Variants in TAFA1 observed in about 807,000 individuals in gnomAD.
The protein encoded by TAFA1 is chemokine-like protein TAFA-1.
A neutral mutation model predicts 18.5 loss-of-function variants in TAFA1; 4 were observed. The observed-to-expected ratio is 0.22, with a 90% CI of 0.11 to 0.49. TAFA1 has a LOEUF of 0.49. Ranked by LOEUF, TAFA1 falls within the 20% of genes least tolerant of loss-of-function variation. The probability of loss-of-function intolerance (pLI) is 0.98; values close to 1 mark genes in which losing one functional copy is unlikely to be tolerated. For missense variants in TAFA1, 147 were observed against 169.0 expected (o/e 0.87, Z 0.72); for synonymous variants, 56 against 55.2 (o/e 1.01, Z -0.06).
intron 2 of TAFA1, among the ~76,000 whole-genome samples, chr3:68,255,350 A>T (rs774066069): frequency 6.6e-6 from 1 of 152,178 alleles, no homozygotes; most frequent in African/African-American, 2.4e-5. Context: ...ATCCATTTAC[A>T]TTTATTGGTT....
chr3:68,330,447 A>G (rs1009068443), intron 2 of TAFA1, among the ~76,000 whole-genome samples: 4 of 152,228 alleles, frequency 2.6e-5, no homozygotes, highest in Non-Finnish European at 5.9e-5. Flanking sequence ...CTGGAGAGCT[A>G]TACCAGGTCC....
chr3:68,347,059 C>T (rs1365473312), intron 2 of TAFA1, among the ~76,000 whole-genome samples: 1 of 152,140 alleles, frequency 6.6e-6, no homozygotes, highest in African/African-American at 2.4e-5. Context: ...ATCTTGCTTT[C>T]ATCTTATGTC....
intron 4 of TAFA1, among the ~76,000 whole-genome samples, chr3:68,542,626 T>G (rs2106797037): frequency 6.6e-6 from 1 of 152,204 alleles, no homozygotes; most frequent in South Asian, 2.1e-4. Flanking sequence ...TTGGCAAAGG[T>G]TATGAATGCA....
intron 3 of TAFA1, among the ~76,000 whole-genome samples, chr3:68,457,960 A>G (rs966694292): frequency 2.6e-5 from 4 of 152,272 alleles, no homozygotes; most frequent in Non-Finnish European, 4.4e-5. Flanking sequence ...AGTTTACCCT[A>G]TCACTCATGG....
At chr3:68,174,437 T>C (rs2066098329) in intron 2 of TAFA1, among the ~76,000 whole-genome samples, 1 of 151,902 alleles carries the variant, frequency 6.6e-6, no homozygotes, top group African/African-American at 2.4e-5. Context: ...TTGACAAAAA[T>C]GCTGATAGTG....
At chr3:68,219,504 C>T (rs1158225307) in intron 2 of TAFA1, among the ~76,000 whole-genome samples, 2 of 152,090 alleles carry the variant, frequency 1.3e-5, no homozygotes, top group African/African-American at 2.4e-5. Flanking sequence ...TTGGCCTCTA[C>T]ATCCAGGCCC....
chr3:68,108,731 T>C (rs1028453729), intron 2 of TAFA1, among the ~76,000 whole-genome samples: 2 of 152,100 alleles, frequency 1.3e-5, no homozygotes, highest in African/African-American at 4.8e-5. Context: ...CTAAATGAAA[T>C]GTTCAAAACA....
intron 3 of TAFA1, among the ~76,000 whole-genome samples, chr3:68,448,450 T>C (rs181217000): frequency 2.0e-5 from 3 of 152,326 alleles, no homozygotes; most frequent in East Asian, 3.9e-4. Context: ...TCAATGACTC[T>C]ATTAATACGA....
chr3:68,300,044 C>G (rs146527602), intron 2 of TAFA1, among the ~76,000 whole-genome samples: 1 of 152,228 alleles, frequency 6.6e-6, no homozygotes, highest in Non-Finnish European at 1.5e-5. Context: ...AGAGTCCCCA[C>G]GGGGGCACTG....
At chr3:68,470,984 G>T (rs1269750580) in intron 3 of TAFA1, among the ~76,000 whole-genome samples, 4 of 152,250 alleles carry the variant, frequency 2.6e-5, no homozygotes, top group Admixed American at 2.0e-4. Context: ...TGGATCCAGG[G>T]TTCCCCATCT....
chr3:68,396,814 C>T (rs930198810), intron 2 of TAFA1, among the ~76,000 whole-genome samples: 1 of 152,190 alleles, frequency 6.6e-6, no homozygotes, highest in Non-Finnish European at 1.5e-5. Context: ...CTGCTTTCAT[C>T]ACGTTATTTT....
At chr3:68,050,892 T>C (rs2064463334) in intron 2 of TAFA1, among the ~76,000 whole-genome samples, 2 of 152,172 alleles carry the variant, frequency 1.3e-5, no homozygotes, top group South Asian at 2.1e-4. Context: ...AAACAGGTGG[T>C]GGGCTGGATT....
chr3:68,009,024 C>G (rs992067469), intron 2 of TAFA1, among the ~76,000 whole-genome samples: 1 of 152,112 alleles, frequency 6.6e-6, no homozygotes, highest in Non-Finnish European at 1.5e-5. Context: ...ACTGATGTCC[C>G]CCCTTAATAG....
chr3:68,039,898 C>T (rs572791136), intron 2 of TAFA1, among the ~76,000 whole-genome samples: 3 of 152,230 alleles, frequency 2.0e-5, no homozygotes, highest in African/African-American at 4.8e-5. Flanking sequence ...GGTATTAACC[C>T]GCCAACTCCA....
intron 2 of TAFA1, among the ~76,000 whole-genome samples, chr3:68,375,136 A>C (rs916495697): frequency 6.6e-6 from 1 of 151,816 alleles, no homozygotes; most frequent in Non-Finnish European, 1.5e-5. Context: ...TCCCACCTGA[A>C]CTGTAATTCT....
At chr3:68,195,766 G>A (rs2066402984) in intron 2 of TAFA1, among the ~76,000 whole-genome samples, 1 of 151,570 alleles carries the variant, frequency 6.6e-6, no homozygotes, top group Non-Finnish European at 1.5e-5. Flanking sequence ...CTTTTCATTA[G>A]GGTTCTTATA....
intron 2 of TAFA1, among the ~76,000 whole-genome samples, chr3:68,361,420 C>T (rs896754333): frequency 2.0e-5 from 3 of 151,756 alleles, no homozygotes; most frequent in Non-Finnish European, 2.9e-5. Context: ...CGCCAATGTT[C>T]GATAGCAGAG....
intron 3 of TAFA1, among the ~76,000 whole-genome samples, chr3:68,446,258 T>C (rs2071472623): frequency 6.6e-6 from 1 of 152,098 alleles, no homozygotes; most frequent in Admixed American, 6.6e-5. Context: ...ATTTATGCAT[T>C]ATCTATAGCT....
At chr3:68,262,064 C>G (rs1202120352) in intron 2 of TAFA1, among the ~76,000 whole-genome samples, 2 of 151,074 alleles carry the variant, frequency 1.3e-5, no homozygotes, top group South Asian at 2.1e-4. Context: ...CATTTGTGAT[C>G]CATGTTGAGC....
Sources: gnomAD v4.1 joint callset for allele counts (sites outside exome capture counted in the v4.1 genomes callset) on GRCh38, gnomAD v4.1.1 for gene constraint, MANE v1.5 for transcripts, NCBI Gene and HGNC (gene_info 2026-07-23, HGNC 2026-07-21) for gene names.